Variants in ZDHHC15 observed in about 807,000 individuals in gnomAD.
The protein encoded by ZDHHC15 is palmitoyltransferase ZDHHC15.
ZDHHC15 carries 19 observed loss-of-function variants against 31.7 expected under a neutral mutation model. The observed-to-expected ratio is 0.60, with a 90% CI of 0.42 to 0.88. The LOEUF is 0.88. Among genes scored for constraint, ZDHHC15 ranks in the 40% least tolerant of loss-of-function variants. The pLI, the probability that ZDHHC15 is intolerant of heterozygous loss-of-function variation, is 0.00. For synonymous variants in ZDHHC15, 103 were observed against 90.0 expected (o/e 1.14, Z -0.82); for missense variants, 209 against 251.2 (o/e 0.83, Z 1.14).
At chrX:75,408,704 C>G (rs985843453) in intron 10 of ZDHHC15, among the ~76,000 whole-genome samples, 2 of 112,515 alleles carry the variant, frequency 1.8e-5, no homozygotes, top group Non-Finnish European at 3.8e-5. Context: ...ACCCTAAGAA[C>G]TCCACCAAAA....
chrX:75,468,574 G>T (rs1235560246), intron 3 of ZDHHC15, among the ~76,000 whole-genome samples: 1 of 111,498 alleles, frequency 9.0e-6, no homozygotes, highest in Non-Finnish European at 1.9e-5. Context: ...ATTATTTTGG[G>T]TATGTATCTA....
rs371713459 is a variant in ZDHHC15, at chrX:75,432,990, TA to T, written c.380-1471del. Among the ~76,000 whole-genome samples, 462 of 103,061 alleles carry T rather than the reference TA, an allele frequency of 4.5e-3. 3 individuals are homozygous for T. Among genetic ancestry groups the T allele is most frequent in the East Asian group, 0.022 (71 of 3,293 alleles). The allele number at this position is 103,061 out of a possible 115,157, so 89.5% of individuals were successfully genotyped here. A position where few individuals can be genotyped will look rare whatever the true frequency, so the allele number is the denominator to read the frequency against. On this transcript the variant is annotated intron_variant, in intron 4 of 11. Transcript: ENST00000373367. ...TAGAGCAAGATCCTGTTTCTAAAAA[TA>T]AAAAAAAAAATGTAAATCAGATCAT...
Position 75,375,183 on chromosome X carries a change from C to T in ZDHHC15, c.*33-2238G>A, listed in dbSNP as rs767271676. Among the ~76,000 whole-genome samples the T allele has an allele frequency of 3.1e-3, 351 of 111,741 alleles. 1 individual carries two copies. Among genetic ancestry groups the T allele is most frequent in the Non-Finnish European group, 5.3e-3 (281 of 53,136 alleles). ...AAAAAATGATCTATGAATTTAAACTCACATCAGCATTGTATAAGAACATCT... is the reference window on the plus strand; with the variant it reads ...AAAAAATGATCTATGAATTTAAACTTACATCAGCATTGTATAAGAACATCT... On this transcript the variant is annotated intron_variant, in intron 11 of 11. Coordinates refer to ENST00000373367, the MANE Select transcript of ZDHHC15 (RefSeq NM_144969.3).
chrX:75,447,808 A>G (rs1451641952), intron 4 of ZDHHC15, among the ~76,000 whole-genome samples: 3 of 111,979 alleles, frequency 2.7e-5, no homozygotes, highest in Non-Finnish European at 5.6e-5. Flanking sequence ...GGACACAACA[A>G]TGATTCCATT....
chrX:75,490,584 T>C (rs1486906082), intron 2 of ZDHHC15, among the ~76,000 whole-genome samples: 3 of 111,715 alleles, frequency 2.7e-5, no homozygotes, highest in Non-Finnish European at 1.9e-5. Context: ...CCTTGGGCAG[T>C]ATGGCAATTT....
intron 2 of ZDHHC15, among the ~76,000 whole-genome samples, chrX:75,479,866 T>C: frequency 8.9e-6 from 1 of 112,210 alleles, no homozygotes; most frequent in South Asian, 3.7e-4. Context: ...GGCTGAATAG[T>C]ATTCCATTGA....
intron 2 of ZDHHC15, among the ~76,000 whole-genome samples, chrX:75,491,154 T>C (rs1261284130): frequency 1.3e-4 from 14 of 111,106 alleles, no homozygotes; most frequent in African/African-American, 4.6e-4. Flanking sequence ...ATAAATCATG[T>C]TGCTATAAAG....
chrX:75,479,856 G>A (rs1164629035), intron 2 of ZDHHC15, among the ~76,000 whole-genome samples: 1 of 111,886 alleles, frequency 8.9e-6, no homozygotes, highest in African/African-American at 3.2e-5. Context: ...TCTTTCTTAT[G>A]GCTGAATAGT....
intron 2 of ZDHHC15, among the ~76,000 whole-genome samples, chrX:75,490,581 C>T (rs1222683490): frequency 1.8e-5 from 2 of 111,564 alleles, no homozygotes; most frequent in African/African-American, 6.5e-5. Context: ...TTACCTTGGG[C>T]AGTATGGCAA....
chrX:75,382,250 G>A (rs890494792), intron 10 of ZDHHC15, among the ~76,000 whole-genome samples: 1 of 112,060 alleles, frequency 8.9e-6, no homozygotes, highest in African/African-American at 3.2e-5. Context: ...TTTATGAATT[G>A]AACTGATTGA....
At chrX:75,435,691 C>A (rs1416413096) in intron 4 of ZDHHC15, among the ~76,000 whole-genome samples, 1 of 111,941 alleles carries the variant, frequency 8.9e-6, no homozygotes, top group Non-Finnish European at 1.9e-5. Flanking sequence ...GGTATGAAAC[C>A]CACATGATGA....
In ZDHHC15 at chrX:75,436,879, T is replaced by A. The variant is rs148427958; in HGVS notation, c.380-5359A>T. Among the ~76,000 whole-genome samples, 462 of 112,514 alleles carry A rather than the reference T, an allele frequency of 4.1e-3. 1 individual carries two copies. The highest frequency in any genetic ancestry group is 0.018 in the Middle Eastern group (4 of 217). On this transcript the variant is annotated intron_variant, in intron 4 of 11. Coordinates refer to ENST00000373367, the MANE Select transcript of ZDHHC15 (RefSeq NM_144969.3). The stretch of plus-strand genomic sequence containing the variant: ...TTGTTTTATTTTTTGTTTATTTTGT[T>A]TTGTTTTGTTTTGTCTTTTTGAGAC...
intron 4 of ZDHHC15, among the ~76,000 whole-genome samples, chrX:75,445,750 T>C (rs767358346): frequency 5.3e-4 from 59 of 111,599 alleles, no homozygotes; most frequent in South Asian, 4.9e-3. Flanking sequence ...TCCTGTAAGT[T>C]AGGATGGGGA....
At chrX:75,424,036 T>A (rs921158172) in intron 8 of ZDHHC15, among the ~76,000 whole-genome samples, 1 of 111,544 alleles carries the variant, frequency 9.0e-6, no homozygotes, top group Non-Finnish European at 1.9e-5. Context: ...TTCCACATAA[T>A]AGCCTATAGA....
chrX:75,436,178 G>A (rs1410310163), intron 4 of ZDHHC15, among the ~76,000 whole-genome samples: 2 of 111,342 alleles, frequency 1.8e-5, no homozygotes, highest in African/African-American at 6.5e-5. Context: ...TCTGTTATCG[G>A]CTGTAATATC....
intron 4 of ZDHHC15, among the ~76,000 whole-genome samples, chrX:75,436,769 G>T (rs777646044): frequency 8.9e-6 from 1 of 112,811 alleles, no homozygotes; most frequent in Admixed American, 9.3e-5. Flanking sequence ...GGTCTATCTT[G>T]AATAATGTTC....
At chrX:75,445,833 C>T (rs966743996) in intron 4 of ZDHHC15, among the ~76,000 whole-genome samples, 5 of 111,431 alleles carry the variant, frequency 4.5e-5, no homozygotes, top group Non-Finnish European at 9.4e-5. Context: ...TGCCAGGAGA[C>T]GAGGCCTCCC....
At chrX:75,495,257 C>T (rs1316840093) in intron 2 of ZDHHC15, among the ~76,000 whole-genome samples, 13 of 111,397 alleles carry the variant, frequency 1.2e-4, no homozygotes, top group Admixed American at 1.9e-4. Flanking sequence ...GTTAGAATGG[C>T]GATCATTAAA....
chrX:75,469,117 G>C (rs779575522), intron 3 of ZDHHC15, among the ~76,000 whole-genome samples: 1 of 110,544 alleles, frequency 9.0e-6, no homozygotes, highest in Non-Finnish European at 1.9e-5. Context: ...TGTGCTTTTG[G>C]TGTCATATCA....
Sources: allele counts gnomAD v4.1 joint callset (sites outside exome capture counted in the v4.1 genomes callset), GRCh38; gene constraint gnomAD v4.1.1; transcripts MANE v1.5; gene names NCBI Gene and HGNC (gene_info 2026-07-23, HGNC 2026-07-21).